Variants in TGFBR3 observed in about 807,000 individuals in gnomAD.
TGFBR3 encodes the protein transforming growth factor beta receptor 3, also known as transforming growth factor beta receptor type 3.
Under a neutral mutation model 87.9 loss-of-function variants are expected in TGFBR3, and 46 were observed. The ratio of observed to expected loss-of-function variants is 0.52; its 90% CI spans 0.41 to 0.67. TGFBR3 has a LOEUF of 0.67. Ranked by LOEUF, TGFBR3 falls within the 30% of genes least tolerant of loss-of-function variation. The probability of loss-of-function intolerance (pLI) is 0.00; values close to 1 mark genes in which losing one functional copy is unlikely to be tolerated. For missense variants in TGFBR3, 866 were observed against 1,041.9 expected (o/e 0.83, Z 2.32); for synonymous variants, 381 against 391.6 (o/e 0.97, Z 0.32).
chr1:91,771,939 G>A (rs1674395146), intron 3 of TGFBR3, among the ~76,000 whole-genome samples: 1 of 152,028 alleles, frequency 6.6e-6, no homozygotes, highest in Non-Finnish European at 1.5e-5. Flanking sequence ...CACTTCAGCT[G>A]GGCCAGAGGG....
intron 4 of TGFBR3, among the ~76,000 whole-genome samples, chr1:91,749,668 A>G (rs114107604): frequency 2.0e-5 from 3 of 152,192 alleles, no homozygotes; most frequent in Non-Finnish European, 2.9e-5. Flanking sequence ...TGAGATGGAG[A>G]GTGTAGGTCA....
chr1:91,838,522 A>G (rs2046739), intron 2 of TGFBR3, among the ~76,000 whole-genome samples: 70,522 of 149,306 alleles, frequency 0.47, 16,841 homozygotes, highest in East Asian at 0.61. Context: ...GCAGTGGGGC[A>G]AACTCGGCGC....
Position 91,818,278 on chromosome 1 carries a change from CTTTTTTTTTTTTTTTTTTTTTTTTTTTT to C in TGFBR3, c.62-20835_62-20808del, listed in dbSNP as rs760050197. Among the ~76,000 whole-genome samples, 70 of 32,494 alleles carry C rather than the reference CTTTTTTTTTTTTTTTTTTTTTTTTTTTT, an allele frequency of 2.2e-3. 1 individual carries two copies. The highest frequency in any genetic ancestry group is 3.8e-3 in the East Asian group (11 of 2,894). The allele number at this position is 32,494 out of a possible 152,430, so 21.3% of individuals were successfully genotyped here. On this transcript the variant is annotated intron_variant, in intron 2 of 16. Transcript: ENST00000212355. ...TGCACCATTTCCCCTTAGCCCCAGC[CTTTTTTTTTTTTTTTTTTTTTTTTTTTT>C]TTTTTTTTTTTTTTTAGGAAAGTTT...
intron 3 of TGFBR3, among the ~76,000 whole-genome samples, chr1:91,778,354 T>C (rs1055926704): frequency 6.6e-6 from 1 of 152,146 alleles, no homozygotes; most frequent in Non-Finnish European, 1.5e-5. Flanking sequence ...TGTCTTTATA[T>C]TGACAGAAAA....
chr1:91,738,798 C>T (rs961499032), intron 4 of TGFBR3, among the ~76,000 whole-genome samples: 1 of 152,244 alleles, frequency 6.6e-6, no homozygotes, highest in African/African-American at 2.4e-5. Flanking sequence ...CTCCATTGTT[C>T]TCCATGCTGG....
chr1:91,691,151 A>T (rs998622798), intron 16 of TGFBR3, among the ~76,000 whole-genome samples: 12 of 152,166 alleles, frequency 7.9e-5, no homozygotes, highest in African/African-American at 2.9e-4. Flanking sequence ...GGAAAACAGG[A>T]AAGAAAGGAA....
chr1:91,736,153 C>T (rs2100829040), intron 4 of TGFBR3, among the ~76,000 whole-genome samples: 1 of 152,092 alleles, frequency 6.6e-6, no homozygotes, highest in South Asian at 2.1e-4. Context: ...TTAATTGATT[C>T]CATGACCTAC....
intron 5 of TGFBR3, among the ~76,000 whole-genome samples, chr1:91,733,684 G>A (rs1672852835): frequency 6.6e-6 from 1 of 152,158 alleles, no homozygotes; most frequent in African/African-American, 2.4e-5. Context: ...ATTCACAAGA[G>A]TTATTTCCTA....
chr1:91,709,382 T>C (rs1210088666), intron 13 of TGFBR3, among the ~76,000 whole-genome samples: 10 of 152,250 alleles, frequency 6.6e-5, no homozygotes, highest in Non-Finnish European at 1.5e-5. Flanking sequence ...AACAAAGTGT[T>C]GAATAGCTCA....
intron 4 of TGFBR3, among the ~76,000 whole-genome samples, chr1:91,739,126 G>A (rs985559592): frequency 1.3e-5 from 2 of 152,172 alleles, no homozygotes; most frequent in African/African-American, 4.8e-5. Context: ...AGACCAGTAG[G>A]CCCAACAGGA....
At chr1:91,781,908 A>C (rs6604055) in intron 3 of TGFBR3, among the ~76,000 whole-genome samples, 77,287 of 151,976 alleles carry the variant, frequency 0.51, 20,338 homozygotes, top group African/African-American at 0.64. Flanking sequence ...GAGCTTCCAA[A>C]TAAAATACTG....
At chr1:91,751,157 T>A (rs527412891) in intron 4 of TGFBR3, among the ~76,000 whole-genome samples, 55 of 152,296 alleles carry the variant, frequency 3.6e-4, no homozygotes, top group Non-Finnish European at 6.3e-4. Flanking sequence ...CTGTGTTTTT[T>A]TCTAAACATG....
chr1:91,685,365 T>C (rs1202640435), intron 16 of TGFBR3, among the ~76,000 whole-genome samples: 1 of 127,562 alleles, frequency 7.8e-6, no homozygotes, highest in East Asian at 2.8e-4. Context: ...CTCTGTCCCC[T>C]AGGATGGACT....
intron 2 of TGFBR3, among the ~76,000 whole-genome samples, chr1:91,833,912 G>GAAACAA (rs1456953803): frequency 6.6e-6 from 1 of 151,896 alleles, no homozygotes; most frequent in Non-Finnish European, 1.5e-5. Context: ...AAGAAACAAA[G>GAAACAA]AAAAAAGGAG....
intron 2 of TGFBR3, among the ~76,000 whole-genome samples, chr1:91,814,584 C>A (rs1381570890): frequency 6.6e-6 from 1 of 152,104 alleles, no homozygotes; most frequent in Non-Finnish European, 1.5e-5. Context: ...AGACAAATCT[C>A]AACACCAGGG....
intron 1 of TGFBR3, among the ~76,000 whole-genome samples, chr1:91,904,904 G>T (rs1679812160): frequency 6.6e-6 from 1 of 151,938 alleles, no homozygotes; most frequent in Non-Finnish European, 1.5e-5. Flanking sequence ...GTTTCACCAT[G>T]GTGGCCAGGC....
At chr1:91,745,769 G>A (rs1673323970) in intron 4 of TGFBR3, among the ~76,000 whole-genome samples, 1 of 152,104 alleles carries the variant, frequency 6.6e-6, no homozygotes, top group African/African-American at 2.4e-5. Flanking sequence ...ATGACTCAAT[G>A]CCTTTTAAAA....
intron 2 of TGFBR3, among the ~76,000 whole-genome samples, chr1:91,898,839 A>T (rs892732094): frequency 2.0e-5 from 3 of 152,188 alleles, no homozygotes; most frequent in Non-Finnish European, 4.4e-5. Flanking sequence ...CAATGATTTT[A>T]AAACCCATCT....
intron 14 of TGFBR3, among the ~76,000 whole-genome samples, chr1:91,708,210 G>A (rs779491605): frequency 3.3e-5 from 5 of 152,182 alleles, no homozygotes; most frequent in Non-Finnish European, 7.3e-5. Context: ...CACCTAAGAT[G>A]AATAATGTTC....
Sources: gnomAD v4.1 joint callset for allele counts (sites outside exome capture counted in the v4.1 genomes callset) on GRCh38, gnomAD v4.1.1 for gene constraint, MANE v1.5 for transcripts, NCBI Gene and HGNC (gene_info 2026-07-23, HGNC 2026-07-21) for gene names.